CPT1A: variants seen among roughly 807,000 people sequenced by gnomAD.
The protein encoded by CPT1A is carnitine O-palmitoyltransferase 1, liver isoform.
Under a neutral mutation model 100.8 loss-of-function variants are expected in CPT1A, and 64 were observed. The ratio of observed to expected loss-of-function variants is 0.63; its 90% CI spans 0.52 to 0.78. CPT1A has a LOEUF of 0.78. Ranked by LOEUF, CPT1A falls within the 30% of genes least tolerant of loss-of-function variation. The pLI is 0.00. For synonymous variants in CPT1A, 363 were observed against 396.0 expected, an observed-to-expected ratio of 0.92 and a Z score of 0.99; for missense variants, 802 against 1,034.1, an observed-to-expected ratio of 0.78 and a Z score of 3.08.
At chr11:68,842,144 A>G (rs1025268894), upstream of CPT1A, among the ~76,000 whole-genome samples, 1 of 152,130 alleles carries the variant, frequency 6.6e-6, no homozygotes, top group African/African-American at 2.4e-5. Context: ...CATCTCGTGG[A>G]GGCCGTGCGC....
chr11:68,766,384 C>T (rs1160559515), intron 14 of CPT1A, among the ~76,000 whole-genome samples: 1 of 152,226 alleles, frequency 6.6e-6, no homozygotes, highest in African/African-American at 2.4e-5. Flanking sequence ...GGAGGCTCTG[C>T]AGCTCCCAGC....
intron 2 of CPT1A, 130 bp downstream of exon 2, chr11:68,815,204 T>TA: frequency 1.1e-6 from 1 of 935,674 alleles, no homozygotes; most frequent in Non-Finnish European, 1.7e-6. Flanking sequence ...CCCCAAGCCT[T>TA]AAGTACCATG....
chr11:68,799,140 CCT>C, intron 6 of CPT1A, 76 bp downstream of exon 6: 3 of 1,345,954 alleles, frequency 2.2e-6, no homozygotes, highest in African/African-American at 1.4e-5. Context: ...TCATTTCAGC[CCT>C]GTTATCCCTG....
intron 9 of CPT1A, among the ~76,000 whole-genome samples, chr11:68,789,411 T>A (rs1401116650): frequency 6.6e-6 from 1 of 152,114 alleles, no homozygotes; most frequent in African/African-American, 2.4e-5. Context: ...TTTATTTTTT[T>A]TTTTTGACAG....
Position 68,773,249 on chromosome 11 carries a change from G to C in CPT1A, c.1740+16C>G. 6.2e-7 allele frequency: 1 copy of C among 1,613,622 alleles called. No homozygotes were observed. Among genetic ancestry groups the C allele is most frequent in the Non-Finnish European group, 8.5e-7 (1 of 1,179,996 alleles). On this transcript the variant is annotated intron_variant, in intron 14 of 18. Coordinates refer to ENST00000265641, the MANE Select transcript of CPT1A (RefSeq NM_001876.4). ...CCAAAGTGCTCACGACAAAACCCTAGGCGGTCAGTTCTTACCTTGTAGTGC... is the reference window on the plus strand; with the variant it reads ...CCAAAGTGCTCACGACAAAACCCTACGCGGTCAGTTCTTACCTTGTAGTGC...
At chr11:68,801,954 T>G (rs1855912185) in intron 5 of CPT1A, among the ~76,000 whole-genome samples, 1 of 152,140 alleles carries the variant, frequency 6.6e-6, no homozygotes, top group Admixed American at 6.5e-5. Flanking sequence ...GGAACACTAT[T>G]CAGCCACAAA....
intron 14 of CPT1A, among the ~76,000 whole-genome samples, chr11:68,772,736 T>C (rs933264170): frequency 1.3e-5 from 2 of 152,004 alleles, no homozygotes; most frequent in African/African-American, 4.8e-5. Flanking sequence ...TTTAGTATGG[T>C]GAAAGGAAGA....
At chr11:68,797,952 T>C (rs1855797408) in intron 6 of CPT1A, among the ~76,000 whole-genome samples, 1 of 152,182 alleles carries the variant, frequency 6.6e-6, no homozygotes. Context: ...CACTCCAGCC[T>C]GGGTGACGAG....
intron 12 of CPT1A, among the ~76,000 whole-genome samples, chr11:68,778,695 C>CA (rs889880931): frequency 2.1e-4 from 29 of 137,856 alleles, no homozygotes; most frequent in African/African-American, 5.9e-4. Context: ...GACGCCATCT[C>CA]AAAAAAAAAA....
At chr11:68,794,235 T>C (rs1233023492) in intron 8 of CPT1A, among the ~76,000 whole-genome samples, 4 of 152,004 alleles carry the variant, frequency 2.6e-5, no homozygotes, top group Non-Finnish European at 5.9e-5. Context: ...TGCAAACTAA[T>C]CTAGAGTGAC....
chr11:68,798,072 G>A (rs753374276), intron 6 of CPT1A, among the ~76,000 whole-genome samples: 15 of 152,200 alleles, frequency 9.9e-5, no homozygotes, highest in Non-Finnish European at 1.9e-4. Context: ...AGAAGCCACC[G>A]TCCCAGTCCG....
In CPT1A at chr11:68,780,376, G is replaced by A. The variant is rs370006122; in HGVS notation, c.1458+264C>T. Among the ~76,000 whole-genome samples the A allele has an allele frequency of 1.1e-3, 166 of 152,224 alleles. 2 individuals are homozygous for A. In the Middle Eastern group the frequency reaches 0.017, roughly 16 times the overall value. ...CGGCTCACTGCAACCTCTGTCTCCC[G>A]GGTTCAATCGATTTCTTCTGCCTCA... On this transcript the variant is annotated intron_variant, in intron 12 of 18. Transcript: ENST00000265641.
chr11:68,783,439 C>T lies in CPT1A; in HGVS notation c.1163+1376G>A, dbSNP rs113276200. Among the ~76,000 whole-genome samples, 722 of 152,260 alleles carry T rather than the reference C, an allele frequency of 4.7e-3. 5 individuals are homozygous for T. The highest frequency in any genetic ancestry group is 0.016 in the African/African-American group (683 of 41,546). On this transcript the variant is annotated intron_variant, in intron 10 of 18. Coordinates refer to ENST00000265641, the MANE Select transcript of CPT1A (RefSeq NM_001876.4). ...TCTGCTACCCCGGGGCATGCGGCTCCACCCCCTGGACACCCACTGTCCTCC... is the reference window on the plus strand; with the variant it reads ...TCTGCTACCCCGGGGCATGCGGCTCTACCCCCTGGACACCCACTGTCCTCC...
intron 1 of CPT1A, among the ~76,000 whole-genome samples, chr11:68,825,363 C>T (rs1856696460): frequency 6.6e-6 from 1 of 152,168 alleles, no homozygotes; most frequent in African/African-American, 2.4e-5. Flanking sequence ...GCCCACCTCC[C>T]AGGAAGGGAA....
rs1946695987 is a variant in CPT1A, at chr11:68,756,474, G to A, written c.*1170C>T. ...TGAGACATCTTGGCTGGTCACCAAG[G>A]TGAGCCGGCATACTGTCTCCATCAC... On this transcript the variant is annotated 3_prime_UTR_variant, in exon 19 of 19. Transcript: ENST00000265641. 1 of 152,214 alleles carries A rather than the reference G, an allele frequency of 6.6e-6. No homozygotes were observed. Among genetic ancestry groups the A allele is most frequent in the African/African-American group, 2.4e-5 (1 of 41,456 alleles). 9.4% of individuals were successfully genotyped at this position (152,214 alleles called of 1,614,324 possible).
chr11:68,781,198 G>A (rs1156704740), intron 11 of CPT1A, among the ~76,000 whole-genome samples: 2 of 152,184 alleles, frequency 1.3e-5, no homozygotes. Flanking sequence ...CCCTGCCTGA[G>A]TCCAGGGACC....
chr11:68,835,447 C>G (rs78238421), intron 1 of CPT1A, among the ~76,000 whole-genome samples: 2,911 of 152,376 alleles, frequency 0.019, 63 homozygotes, highest in Non-Finnish European at 0.023. Flanking sequence ...CTAATTCAAA[C>G]TGAACTTGAA....
At chr11:68,807,357 A>C in intron 4 of CPT1A, 110 bp downstream of exon 4, 1 of 1,164,978 alleles carries the variant, frequency 8.6e-7, no homozygotes, top group Non-Finnish European at 1.3e-6. Context: ...CAAGTCACCA[A>C]CCAAGCATAG....
chr11:68,842,072 A>C, upstream of CPT1A: 1 of 628,064 alleles, frequency 1.6e-6, no homozygotes, highest in Non-Finnish European at 2.0e-6. Flanking sequence ...CTCTGCCGGA[A>C]TGGGGTCTAG....
Sources: allele counts gnomAD v4.1 joint callset (sites outside exome capture counted in the v4.1 genomes callset), GRCh38; gene constraint gnomAD v4.1.1; transcripts MANE v1.5; gene names NCBI Gene and HGNC (gene_info 2026-07-23, HGNC 2026-07-21).